Variants in PDE4D observed in about 807,000 individuals in gnomAD.
PDE4D encodes 3',5'-cyclic-AMP phosphodiesterase 4D.
Under a neutral mutation model 87.4 loss-of-function variants are expected in PDE4D, and 24 were observed. The observed-to-expected ratio is 0.27, with a 90% CI of 0.20 to 0.39. The LOEUF (loss-of-function observed/expected upper bound fraction) is 0.39, where lower values mean the gene tolerates loss of function less well. Among genes scored for constraint, PDE4D ranks in the 10% least tolerant of loss-of-function variants. The probability of loss-of-function intolerance (pLI) is 1.00; values close to 1 mark genes in which losing one functional copy is unlikely to be tolerated. For missense variants in PDE4D, 714 were observed against 1,041.0 expected, an observed-to-expected ratio of 0.69 and a Z score of 4.32; for synonymous variants, 384 against 383.2, an observed-to-expected ratio of 1.00 and a Z score of -0.02.
chr5:59,567,357 T>C (rs571926786), intron 1 of PDE4D, among the ~76,000 whole-genome samples: 19 of 152,320 alleles, frequency 1.2e-4, no homozygotes, highest in African/African-American at 4.1e-4. Context: ...ATGTAGTTCT[T>C]TGGTGTCTGT....
intron 5 of PDE4D, among the ~76,000 whole-genome samples, chr5:59,112,108 A>G (rs943606278): frequency 6.6e-6 from 1 of 152,176 alleles, no homozygotes; most frequent in Admixed American, 6.5e-5. Context: ...TGGATGGCCT[A>G]ATGGAGATGA....
intron 1 of PDE4D, among the ~76,000 whole-genome samples, chr5:59,771,025 A>G (rs569416823): frequency 1.3e-5 from 2 of 152,122 alleles, no homozygotes; most frequent in East Asian, 1.9e-4. Flanking sequence ...CAGGCTACTC[A>G]GGAGGCTGAG....
chr5:59,200,257 A>G (rs1482193711), intron 2 of PDE4D, among the ~76,000 whole-genome samples: 6 of 134,466 alleles, frequency 4.5e-5, no homozygotes, highest in Admixed American at 1.4e-4. Flanking sequence ...CTACACGTAT[A>G]CATACATATG....
intron 1 of PDE4D, among the ~76,000 whole-genome samples, chr5:59,598,043 T>C (rs999113359): frequency 5.3e-5 from 8 of 152,072 alleles, no homozygotes; most frequent in Non-Finnish European, 1.0e-4. Flanking sequence ...ACAATACACG[T>C]CCCAAACTGA....
intron 1 of PDE4D, among the ~76,000 whole-genome samples, chr5:59,491,394 A>G (rs1806156834): frequency 6.6e-6 from 1 of 152,122 alleles, no homozygotes; most frequent in Non-Finnish European, 1.5e-5. Flanking sequence ...CTACCTCATC[A>G]ATTTCATTCA....
At chr5:59,378,134 C>T (rs893224727) in intron 1 of PDE4D, among the ~76,000 whole-genome samples, 12 of 152,176 alleles carry the variant, frequency 7.9e-5, no homozygotes, top group African/African-American at 2.9e-4. Flanking sequence ...TTTGCAGGAA[C>T]ATGGATACAG....
At chr5:60,334,850 T>C (rs1266122299) in intron 1 of PDE4D, among the ~76,000 whole-genome samples, 1 of 152,118 alleles carries the variant, frequency 6.6e-6, no homozygotes, top group African/African-American at 2.4e-5. Context: ...TTCCTACCCC[T>C]GTTTCCATAA....
intron 5 of PDE4D, among the ~76,000 whole-genome samples, chr5:59,119,488 A>G (rs1467754698): frequency 6.6e-6 from 1 of 152,224 alleles, no homozygotes; most frequent in African/African-American, 2.4e-5. Context: ...AATTTCATGA[A>G]AGCTGATTTA....
chr5:59,547,199 T>C (rs552875877), intron 1 of PDE4D, among the ~76,000 whole-genome samples: 22 of 152,322 alleles, frequency 1.4e-4, no homozygotes, highest in African/African-American at 5.1e-4. Context: ...GAAGTATTTG[T>C]TAAGTATCTT....
intron 2 of PDE4D, among the ~76,000 whole-genome samples, chr5:60,155,543 C>T (rs1781894287): frequency 6.6e-6 from 1 of 152,146 alleles, no homozygotes; most frequent in South Asian, 2.1e-4. Flanking sequence ...GGCTCCATTA[C>T]ATGAATGTAT....
At chr5:60,327,419 A>G (rs533224027) in intron 1 of PDE4D, among the ~76,000 whole-genome samples, 1 of 152,238 alleles carries the variant, frequency 6.6e-6, no homozygotes, top group South Asian at 2.1e-4. Context: ...GTGAGTTTTT[A>G]TCTCCTGTTT....
At chr5:59,615,305 T>C (rs572373043) in intron 1 of PDE4D, among the ~76,000 whole-genome samples, 9 of 152,312 alleles carry the variant, frequency 5.9e-5, no homozygotes, top group African/African-American at 2.2e-4. Flanking sequence ...ATGTTTGAAT[T>C]GGGAGTAGTC....
At chr5:59,549,080 A>T (rs1398324505) in intron 1 of PDE4D, among the ~76,000 whole-genome samples, 1 of 152,178 alleles carries the variant, frequency 6.6e-6, no homozygotes, top group Non-Finnish European at 1.5e-5. Context: ...CACTATGTCA[A>T]CACCAACATT....
At chr5:59,739,713 A>T (rs1758579986) in intron 1 of PDE4D, among the ~76,000 whole-genome samples, 1 of 152,198 alleles carries the variant, frequency 6.6e-6, no homozygotes, top group Admixed American at 6.6e-5. Context: ...TGTCACCTTT[A>T]AAATGTTCTT....
At chr5:59,727,323 G>A (rs992777046) in intron 1 of PDE4D, among the ~76,000 whole-genome samples, 3 of 152,088 alleles carry the variant, frequency 2.0e-5, no homozygotes, top group African/African-American at 7.2e-5. Flanking sequence ...TAGACAGTTG[G>A]TTCAGCATAT....
At chr5:59,733,776 T>G (rs1757711572) in intron 1 of PDE4D, among the ~76,000 whole-genome samples, 2 of 152,086 alleles carry the variant, frequency 1.3e-5, no homozygotes. Flanking sequence ...AGTCTTTAAT[T>G]TCTTAATTAT....
At chr5:59,166,801 C>T (rs1781994237) in intron 5 of PDE4D, among the ~76,000 whole-genome samples, 1 of 152,134 alleles carries the variant, frequency 6.6e-6, no homozygotes, top group South Asian at 2.1e-4. Flanking sequence ...TTACTATAAA[C>T]CAGTGAGATT....
intron 2 of PDE4D, among the ~76,000 whole-genome samples, chr5:60,048,150 G>C (rs1475566204): frequency 1.3e-5 from 2 of 151,598 alleles, no homozygotes; most frequent in African/African-American, 4.8e-5. Flanking sequence ...GATCTTTGTT[G>C]GTTTAAAGTC....
intron 2 of PDE4D, among the ~76,000 whole-genome samples, chr5:60,056,385 A>C (rs573863113): frequency 3.9e-5 from 6 of 152,196 alleles, no homozygotes; most frequent in Non-Finnish European, 8.8e-5. Context: ...ATGATGAAGG[A>C]AGACGGGAAG....
Sources: allele counts gnomAD v4.1 joint callset (sites outside exome capture counted in the v4.1 genomes callset), GRCh38; gene constraint gnomAD v4.1.1; transcripts MANE v1.5; gene names NCBI Gene and HGNC (gene_info 2026-07-23, HGNC 2026-07-21).